ERBB4: variants seen among roughly 807,000 people sequenced by gnomAD.
ERBB4 encodes erb-b2 receptor tyrosine kinase 4.
Under a neutral mutation model 158.0 loss-of-function variants are expected in ERBB4, and 42 were observed. The ratio of observed to expected loss-of-function variants is 0.27; its 90% CI spans 0.21 to 0.34. ERBB4 has a LOEUF of 0.34. ERBB4 is among the 10% of genes least tolerant of loss of function. ERBB4 has a pLI of 1.00. For synonymous variants in ERBB4, 583 were observed against 558.7 expected, an observed-to-expected ratio of 1.04 and a Z score of -0.61; for missense variants, 1,333 against 1,624.1, an observed-to-expected ratio of 0.82 and a Z score of 3.08.
At chr2:211,444,799 G>A (rs1281761344) in intron 20 of ERBB4, among the ~76,000 whole-genome samples, 2 of 151,938 alleles carry the variant, frequency 1.3e-5, no homozygotes, top group Non-Finnish European at 2.9e-5. Flanking sequence ...CCTTCAAGCT[G>A]TTCATTGTCT....
chr2:211,650,080 AC>A (rs553560651), intron 16 of ERBB4, among the ~76,000 whole-genome samples: 1 of 152,020 alleles, frequency 6.6e-6, no homozygotes, highest in African/African-American at 2.4e-5. Flanking sequence ...TAACCACATC[AC>A]AGAAGGGGGT....
At chr2:212,269,952 T>A (rs1369080091) in intron 1 of ERBB4, among the ~76,000 whole-genome samples, 1 of 151,770 alleles carries the variant, frequency 6.6e-6, no homozygotes, top group Admixed American at 6.6e-5. Flanking sequence ...CCTCCGTAGT[T>A]TTTTTCTTTA....
chr2:211,992,544 TGAGA>T (rs147217982), intron 2 of ERBB4, among the ~76,000 whole-genome samples: 54 of 114,420 alleles, frequency 4.7e-4, no homozygotes, highest in Non-Finnish European at 5.7e-4. Context: ...TGAGAGACAG[TGAGA>T]GAGAGAGAGA....
intron 5 of ERBB4, among the ~76,000 whole-genome samples, chr2:211,743,162 T>A (rs972390228): frequency 2.0e-5 from 3 of 152,176 alleles, no homozygotes; most frequent in African/African-American, 7.2e-5. Context: ...CAAACTCACA[T>A]TTTTCAATCA....
At chr2:211,409,664 G>A (rs912882840) in intron 25 of ERBB4, among the ~76,000 whole-genome samples, 2 of 152,080 alleles carry the variant, frequency 1.3e-5, no homozygotes, top group African/African-American at 4.8e-5. Context: ...TAAGCCAATT[G>A]ATACTAAATC....
At chr2:212,229,013 G>C (rs1289938120) in intron 1 of ERBB4, among the ~76,000 whole-genome samples, 1 of 152,176 alleles carries the variant, frequency 6.6e-6, no homozygotes, top group East Asian at 1.9e-4. Flanking sequence ...AAGGAAGAAA[G>C]GGCAGCATGA....
intron 18 of ERBB4, among the ~76,000 whole-genome samples, chr2:211,622,209 T>C (rs1559356056): frequency 1.3e-5 from 2 of 152,178 alleles, no homozygotes; most frequent in Admixed American, 6.5e-5. Flanking sequence ...TTGCAGTAAA[T>C]AGATACAAAC....
chr2:211,807,634 T>C (rs1460719988), intron 3 of ERBB4, among the ~76,000 whole-genome samples: 3 of 152,234 alleles, frequency 2.0e-5, no homozygotes, highest in Non-Finnish European at 4.4e-5. Context: ...AGTAGCACGA[T>C]GTATAATCCT....
chr2:212,375,405 GA>G (rs1277288360), intron 1 of ERBB4, among the ~76,000 whole-genome samples: 4 of 152,054 alleles, frequency 2.6e-5, no homozygotes, highest in Non-Finnish European at 5.9e-5. Flanking sequence ...AATCTTGCCT[GA>G]TCTTTTAACA....
intron 2 of ERBB4, among the ~76,000 whole-genome samples, chr2:211,952,231 C>T (rs2080893453): frequency 6.6e-6 from 1 of 152,002 alleles, no homozygotes; most frequent in Non-Finnish European, 1.5e-5. Flanking sequence ...GAACAAATAT[C>T]TTGAAACATC....
intron 1 of ERBB4, among the ~76,000 whole-genome samples, chr2:212,137,279 A>G (rs778380411): frequency 6.6e-6 from 1 of 152,090 alleles, no homozygotes; most frequent in Admixed American, 6.6e-5. Flanking sequence ...TCATCCAGGT[A>G]TTAAGCTTAG....
At chr2:212,144,777 A>G (rs1449000123) in intron 1 of ERBB4, among the ~76,000 whole-genome samples, 1 of 152,208 alleles carries the variant, frequency 6.6e-6, no homozygotes, top group African/African-American at 2.4e-5. Flanking sequence ...TCTATCGCAT[A>G]AAAAGTATTA....
At chr2:212,060,723 C>CACCA (rs1354064927) in intron 2 of ERBB4, among the ~76,000 whole-genome samples, 1 of 149,758 alleles carries the variant, frequency 6.7e-6, no homozygotes, top group Non-Finnish European at 1.5e-5. Context: ...AAAAACCAAA[C>CACCA]ACCACATGGT....
chr2:211,487,259 T>C (rs2065231265), intron 20 of ERBB4, among the ~76,000 whole-genome samples: 2 of 151,190 alleles, frequency 1.3e-5, no homozygotes, highest in Non-Finnish European at 2.9e-5. Flanking sequence ...TGGTTTTTTG[T>C]CCTTGAGATA....
At chr2:212,376,545 CCAAA>C (rs1474442202) in intron 1 of ERBB4, among the ~76,000 whole-genome samples, 1 of 152,044 alleles carries the variant, frequency 6.6e-6, no homozygotes, top group African/African-American at 2.4e-5. Flanking sequence ...ATTCCTCTCA[CCAAA>C]CAAAGGCAAT....
At chr2:211,417,319 TA>T (rs60507748) in intron 25 of ERBB4, among the ~76,000 whole-genome samples, 36,703 of 147,096 alleles carry the variant, frequency 0.25, 4,839 homozygotes, top group South Asian at 0.47. Context: ...CAAAAAAATA[TA>T]AAAAAAAATT....
At chr2:211,515,918 T>A (rs1425787813) in intron 20 of ERBB4, among the ~76,000 whole-genome samples, 101 of 80,494 alleles carry the variant, frequency 1.3e-3, no homozygotes, top group African/African-American at 4.3e-3. Flanking sequence ...ATATATTTTT[T>A]TTTTTTTTTT....
intron 1 of ERBB4, among the ~76,000 whole-genome samples, chr2:212,460,311 C>A (rs1287207787): frequency 6.6e-6 from 1 of 152,164 alleles, no homozygotes; most frequent in Non-Finnish European, 1.5e-5. Context: ...AAAGATACCC[C>A]AAAATGTGGA....
chr2:212,104,465 C>T (rs1174711482), intron 2 of ERBB4, among the ~76,000 whole-genome samples: 1 of 152,086 alleles, frequency 6.6e-6, no homozygotes, highest in East Asian at 1.9e-4. Context: ...CACCATATCT[C>T]TTCATAACAA....
Sources: allele counts gnomAD v4.1 joint callset (sites outside exome capture counted in the v4.1 genomes callset), GRCh38; gene constraint gnomAD v4.1.1; transcripts MANE v1.5; gene names NCBI Gene and HGNC (gene_info 2026-07-23, HGNC 2026-07-21).